The following PPP1R9A variants were observed in gnomAD, a reference collection of about 807,000 sequenced individuals.
The protein encoded by PPP1R9A is protein phosphatase 1 regulatory subunit 9A, also known as neurabin-1.
In PPP1R9A, 59 loss-of-function variants were observed where a neutral mutation model predicts 141.9. The observed-to-expected ratio is 0.42, with a 90% CI of 0.34 to 0.52. The LOEUF (loss-of-function observed/expected upper bound fraction) is 0.52, where lower values mean the gene tolerates loss of function less well. Ranked by LOEUF, PPP1R9A falls within the 20% of genes least tolerant of loss-of-function variation. The probability of loss-of-function intolerance (pLI) is 0.10; values close to 1 mark genes in which losing one functional copy is unlikely to be tolerated. For missense variants in PPP1R9A, 1,444 were observed against 1,611.9 expected (o/e 0.90, Z 1.78); for synonymous variants, 500 against 569.7 (o/e 0.88, Z 1.74).
chr7:94,919,325 T>G lies in PPP1R9A; in HGVS notation c.1395+7817T>G, dbSNP rs1024369275. ...CATTTTTTTTTTTTTTTTTTTTTTT[T>G]GTAGATTCAGGGTCTTGCTATATTG... On this transcript the variant is annotated intron_variant, in intron 2 of 19. Transcript: ENST00000433360. 3.5e-3 allele frequency among the ~76,000 whole-genome samples: 411 copies of G among 117,502 alleles called. 1 individual carries two copies. The highest frequency in any genetic ancestry group is 4.5e-3 in the Non-Finnish European group (256 of 57,392). The allele number at this position is 117,502 out of a possible 152,430, so 77.1% of individuals were successfully genotyped here. A position where few individuals can be genotyped will look rare whatever the true frequency, so the allele number is the denominator to read the frequency against.
chr7:95,214,606 G>A (rs986994653), intron 7 of PPP1R9A, among the ~76,000 whole-genome samples: 1 of 152,088 alleles, frequency 6.6e-6, no homozygotes, highest in Admixed American at 6.6e-5. Flanking sequence ...CCCTCACTCA[G>A]TGGGAAGGGA....
chr7:95,116,716 A>G (rs1821588210), intron 3 of PPP1R9A, among the ~76,000 whole-genome samples: 1 of 152,184 alleles, frequency 6.6e-6, no homozygotes, highest in African/African-American at 2.4e-5. Flanking sequence ...AGAAATACAG[A>G]CTTAAGTATG....
At chr7:95,053,670 G>A (rs1185378068) in intron 2 of PPP1R9A, among the ~76,000 whole-genome samples, 2 of 152,212 alleles carry the variant, frequency 1.3e-5, no homozygotes, top group African/African-American at 4.8e-5. Context: ...ATCCTGAAGA[G>A]AAGGATGGCA....
At chr7:95,129,992 TAGAAA>T (rs1055349101) in intron 4 of PPP1R9A, among the ~76,000 whole-genome samples, 1 of 152,058 alleles carries the variant, frequency 6.6e-6, no homozygotes, top group African/African-American at 2.4e-5. Context: ...GACAATGAGA[TAGAAA>T]AGAAAATCCC....
intron 5 of PPP1R9A, among the ~76,000 whole-genome samples, chr7:95,171,001 T>TA (rs1832024192): frequency 6.6e-6 from 1 of 151,612 alleles, no homozygotes; most frequent in East Asian, 1.9e-4. Flanking sequence ...AGTAGTATAT[T>TA]ACTTGGAGAC....
chr7:94,912,568 A>G (rs1791585510), intron 2 of PPP1R9A, among the ~76,000 whole-genome samples: 1 of 152,212 alleles, frequency 6.6e-6, no homozygotes, highest in South Asian at 2.1e-4. Context: ...TCAAAATCTA[A>G]AATCACTGTC....
chr7:95,246,300 CCTT>C (rs1244451425), intron 8 of PPP1R9A, among the ~76,000 whole-genome samples: 1 of 152,170 alleles, frequency 6.6e-6, no homozygotes, highest in Non-Finnish European at 1.5e-5. Flanking sequence ...ACATTTCTGT[CCTT>C]CTGTCAGACT....
intron 4 of PPP1R9A, among the ~76,000 whole-genome samples, chr7:95,133,111 G>A (rs1824959070): frequency 2.6e-5 from 4 of 152,166 alleles, no homozygotes; most frequent in Admixed American, 2.6e-4. Context: ...AGGGACCCAA[G>A]AGCAGGTAGC....
At chr7:95,170,099 C>T (rs1490497888) in intron 5 of PPP1R9A, among the ~76,000 whole-genome samples, 1 of 151,588 alleles carries the variant, frequency 6.6e-6, no homozygotes, top group Non-Finnish European at 1.5e-5. Context: ...ATGAAATGTA[C>T]ATTGGATGGG....
chr7:95,002,639 AT>A (rs1803096458), intron 2 of PPP1R9A, among the ~76,000 whole-genome samples: 2 of 152,176 alleles, frequency 1.3e-5, no homozygotes, highest in African/African-American at 4.8e-5. Flanking sequence ...AAGTAGAATG[AT>A]TTCGCAGGAA....
At chr7:95,037,058 T>C (rs1454964690) in intron 2 of PPP1R9A, 1 of 152,116 alleles carries the variant, frequency 6.6e-6, no homozygotes, top group Admixed American at 6.6e-5. Context: ...TTCTATCCCA[T>C]AGAGATACAT....
At chr7:94,979,247 A>G (rs1799813463) in intron 2 of PPP1R9A, among the ~76,000 whole-genome samples, 1 of 152,220 alleles carries the variant, frequency 6.6e-6, no homozygotes, top group South Asian at 2.1e-4. Flanking sequence ...GATTTGTCAT[A>G]TATTTGTAGT....
chr7:95,044,370 GA>G (rs992861206), intron 2 of PPP1R9A, among the ~76,000 whole-genome samples: 7 of 151,344 alleles, frequency 4.6e-5, no homozygotes, highest in African/African-American at 1.5e-4. Flanking sequence ...AAGTTTAAAA[GA>G]AAAAAAATAT....
intron 2 of PPP1R9A, among the ~76,000 whole-genome samples, chr7:95,060,438 T>A (rs746376322): frequency 7.9e-5 from 12 of 152,142 alleles, no homozygotes; most frequent in Non-Finnish European, 1.6e-4. Context: ...AAAGAGTAGA[T>A]ATGTAAAAGA....
chr7:95,073,903 A>T (rs1289536932), intron 2 of PPP1R9A, among the ~76,000 whole-genome samples: 1 of 151,936 alleles, frequency 6.6e-6, no homozygotes, highest in Non-Finnish European at 1.5e-5. Context: ...TAAACAAAAA[A>T]TATTATACAA....
At chr7:95,223,707 T>C (rs1301400462) in intron 7 of PPP1R9A, among the ~76,000 whole-genome samples, 2 of 152,178 alleles carry the variant, frequency 1.3e-5, no homozygotes, top group Middle Eastern at 3.4e-3. Context: ...AGTCATACTT[T>C]AAATTTAGCA....
Position 95,269,460 on chromosome 7 carries a change from C to A in PPP1R9A, c.3077C>A (p.Ser1026Tyr), listed in dbSNP as rs1226195355. ...AAGTCTGATCATGATGTGGAAGAAT[C>A]TCCTTGCCATCACCAAACCACCAAC... ...TSKSDHDVEE[S>Y]PCHHQTTNKK... The change falls in exon 14 of 20, where the codon TCT (serine) becomes TAT (tyrosine). Residue 1026 changes from serine (S) to tyrosine (Y), a missense_variant. This residue lies in a region of PPP1R9A where 459 missense variants were observed against 513.8 expected (regional missense o/e 0.89). Transcript: ENST00000433360. The A allele has an allele frequency of 3.1e-6, 5 of 1,588,706 alleles. No individual in the cohort carries two copies. The highest frequency in any genetic ancestry group is 4.3e-6 in the Non-Finnish European group (5 of 1,171,900).
At chr7:95,252,206 A>G (rs1798974928) in intron 12 of PPP1R9A, 76 bp downstream of exon 12, 1 of 1,426,424 alleles carries the variant, frequency 7.0e-7, no homozygotes, top group African/African-American at 1.4e-5. Flanking sequence ...TTTCTGACCC[A>G]GAGATTTAAA....
chr7:95,111,810 A>G (rs1047868562), intron 3 of PPP1R9A, among the ~76,000 whole-genome samples: 2 of 152,150 alleles, frequency 1.3e-5, no homozygotes, highest in African/African-American at 4.8e-5. Context: ...GGAAATTTAA[A>G]TAGTAGGGCT....
Sources: gnomAD v4.1 joint callset for allele counts (sites outside exome capture counted in the v4.1 genomes callset) on GRCh38, gnomAD v4.1.1 for gene constraint, gnomAD v4.1.1 regional missense constraint, MANE v1.5 for transcripts, NCBI Gene and HGNC (gene_info 2026-07-23, HGNC 2026-07-21) for gene names.